SRRM4: variants seen among roughly 807,000 people sequenced by gnomAD.
SRRM4 encodes serine/arginine repetitive matrix protein 4.
In SRRM4, 33 loss-of-function variants were observed where a neutral mutation model predicts 68.9. The ratio of observed to expected loss-of-function variants is 0.48; its 90% CI spans 0.36 to 0.64. The LOEUF is 0.64. SRRM4 is among the 30% of genes least tolerant of loss of function. The probability of loss-of-function intolerance (pLI) is 0.00; values close to 1 mark genes in which losing one functional copy is unlikely to be tolerated. For synonymous variants in SRRM4, 318 were observed against 318.8 expected, an observed-to-expected ratio of 1.00 and a Z score of 0.03; for missense variants, 817 against 827.1, an observed-to-expected ratio of 0.99 and a Z score of 0.15.
At chr12:119,009,535 G>A (rs897473232) in intron 1 of SRRM4, among the ~76,000 whole-genome samples, 7 of 152,224 alleles carry the variant, frequency 4.6e-5, no homozygotes, top group African/African-American at 1.7e-4. Context: ...TCAAGAGCAA[G>A]GCTTTGATCT....
chr12:118,990,597 T>C (rs1399047838), intron 1 of SRRM4, among the ~76,000 whole-genome samples: 2 of 152,184 alleles, frequency 1.3e-5, no homozygotes, highest in African/African-American at 4.8e-5. Context: ...GTGTTTTTGT[T>C]TTGTTTTGCT....
At chr12:119,084,632 C>T (rs1953968654) in intron 1 of SRRM4, among the ~76,000 whole-genome samples, 1 of 152,088 alleles carries the variant, frequency 6.6e-6, no homozygotes, top group South Asian at 2.1e-4. Flanking sequence ...TTACTGAAGA[C>T]GGATGGAGGG....
chr12:119,075,879 T>C (rs1475401752), intron 1 of SRRM4, among the ~76,000 whole-genome samples: 1 of 145,104 alleles, frequency 6.9e-6, no homozygotes, highest in East Asian at 2.0e-4. Context: ...ATGATGATGG[T>C]AGTAGTGATG....
At chr12:118,997,647 G>A (rs915718904) in intron 1 of SRRM4, among the ~76,000 whole-genome samples, 2 of 152,114 alleles carry the variant, frequency 1.3e-5, no homozygotes, top group Admixed American at 6.5e-5. Context: ...CCTGACACAC[G>A]TCTCCCTGAG....
At chr12:119,066,576 A>G (rs1953847130) in intron 1 of SRRM4, among the ~76,000 whole-genome samples, 1 of 152,256 alleles carries the variant, frequency 6.6e-6, no homozygotes, top group African/African-American at 2.4e-5. Context: ...TCTGTGCCAT[A>G]TAACAAGCCC....
intron 2 of SRRM4, among the ~76,000 whole-genome samples, chr12:119,110,603 G>A (rs769892333): frequency 2.6e-5 from 4 of 152,210 alleles, no homozygotes; most frequent in African/African-American, 4.8e-5. Flanking sequence ...GTGAGGCTCC[G>A]TGGGCATGGG....
chr12:119,122,135 C>T lies in SRRM4; in HGVS notation c.515+15C>T, dbSNP rs753030936. ...CACAAGAAACAGTAAGTAGATACTA[C>T]CTGGAATGTACTCATCAGTTTGAGG... On this transcript the variant is annotated intron_variant, in intron 6 of 12. Coordinates refer to ENST00000267260, the MANE Select transcript of SRRM4 (RefSeq NM_194286.4). 4.4e-6 allele frequency: 7 copies of T among 1,579,802 alleles called. No individual in the cohort carries two copies. The highest frequency in any genetic ancestry group is 4.5e-5 in the East Asian group (2 of 44,726).
chr12:119,085,825 C>T (rs1437953252), intron 1 of SRRM4, among the ~76,000 whole-genome samples: 2 of 152,052 alleles, frequency 1.3e-5, no homozygotes, highest in African/African-American at 4.8e-5. Flanking sequence ...GGCTGAGATG[C>T]TTTGGAGTCA....
At chr12:119,053,702 G>A (rs1184315896) in intron 1 of SRRM4, among the ~76,000 whole-genome samples, 3 of 152,016 alleles carry the variant, frequency 2.0e-5, no homozygotes, top group Non-Finnish European at 2.9e-5. Flanking sequence ...AGGGTCCCAC[G>A]TTTGGGGTAA....
chr12:119,073,011 G>A (rs4767764), intron 1 of SRRM4, among the ~76,000 whole-genome samples: 86,815 of 151,624 alleles, frequency 0.57, 25,822 homozygotes, highest in Middle Eastern at 0.76. Flanking sequence ...GAGATAGGAC[G>A]AACAGCTAAC....
chr12:119,044,979 ACTG>A (rs1953695863), intron 1 of SRRM4, among the ~76,000 whole-genome samples: 1 of 152,200 alleles, frequency 6.6e-6, no homozygotes, highest in Non-Finnish European at 1.5e-5. Context: ...AGTTTCTTCA[ACTG>A]TGAAATGCAG....
In SRRM4 at chr12:119,145,747, C is replaced by T. The variant is rs1274143181; in HGVS notation, c.1076+62C>T. ...CCCACCTTAGCTCCACCTTCTCATG[C>T]TCTCATCCCAGCCTCCCCCACTCCA... On this transcript the variant is annotated intron_variant, in intron 9 of 12. Coordinates refer to ENST00000267260, the MANE Select transcript of SRRM4 (RefSeq NM_194286.4). The T allele has an allele frequency of 8.9e-6, 12 of 1,349,046 alleles. No individual in the cohort carries two copies. The South Asian group carries it at 2.1e-4, about 24-fold the overall frequency. The allele number at this position is 1,349,046 out of a possible 1,614,324, so 83.6% of individuals were successfully genotyped here. A position where few individuals can be genotyped will look rare whatever the true frequency, so the allele number is the denominator to read the frequency against.
chr12:119,029,442 C>G (rs950494831), intron 1 of SRRM4, among the ~76,000 whole-genome samples: 7 of 152,144 alleles, frequency 4.6e-5, no homozygotes, highest in Admixed American at 2.6e-4. Flanking sequence ...TAATAATGTG[C>G]TAGAAATTTT....
chr12:119,024,452 C>A (rs1301979539), intron 1 of SRRM4, among the ~76,000 whole-genome samples: 1 of 152,190 alleles, frequency 6.6e-6, no homozygotes, highest in Admixed American at 6.5e-5. Context: ...GGGTTTCAGC[C>A]CCTGCAAGCC....
intron 8 of SRRM4, among the ~76,000 whole-genome samples, chr12:119,142,219 G>A (rs1220108907): frequency 6.6e-6 from 1 of 152,148 alleles, no homozygotes; most frequent in African/African-American, 2.4e-5. Flanking sequence ...CAAAGAAATG[G>A]GATTTTTAAA....
intron 7 of SRRM4, among the ~76,000 whole-genome samples, chr12:119,127,392 C>T (rs1042853590): frequency 3.3e-5 from 5 of 151,926 alleles, no homozygotes; most frequent in African/African-American, 1.2e-4. Context: ...ATGTCATTGC[C>T]CTGGCCCCAC....
chr12:119,022,060 G>A (rs942496474), intron 1 of SRRM4, among the ~76,000 whole-genome samples: 2 of 152,210 alleles, frequency 1.3e-5, no homozygotes, highest in South Asian at 2.1e-4. Flanking sequence ...AGGATAAATA[G>A]TTAATGCATG....
At chr12:118,990,620 T>C (rs1220569958) in intron 1 of SRRM4, among the ~76,000 whole-genome samples, 2 of 152,202 alleles carry the variant, frequency 1.3e-5, no homozygotes, top group Non-Finnish European at 1.5e-5. Context: ...TCTTGTTTTA[T>C]GTTCAATCAG....
chr12:119,039,167 A>T (rs1038640171), intron 1 of SRRM4, among the ~76,000 whole-genome samples: 3 of 152,242 alleles, frequency 2.0e-5, no homozygotes, highest in African/African-American at 7.2e-5. Flanking sequence ...CCAACACCCC[A>T]TGTCCTGCCA....
Sources: gnomAD v4.1 joint callset for allele counts (sites outside exome capture counted in the v4.1 genomes callset) on GRCh38, gnomAD v4.1.1 for gene constraint, MANE v1.5 for transcripts, NCBI Gene and HGNC (gene_info 2026-07-23, HGNC 2026-07-21) for gene names.